The following PTPRJ variants were observed in gnomAD, a reference collection of about 807,000 sequenced individuals.
PTPRJ encodes protein tyrosine phosphatase receptor type J.
In PTPRJ, 129 loss-of-function variants were observed where a neutral mutation model predicts 141.3. The observed-to-expected ratio is 0.91, with a 90% confidence interval of 0.79 to 1.06. The LOEUF is 1.06. PTPRJ is among the 50% of genes least tolerant of loss of function. PTPRJ has a pLI of 0.00. For missense variants in PTPRJ, 1,601 were observed against 1,679.7 expected (o/e 0.95, Z 0.82); for synonymous variants, 610 against 640.5 (o/e 0.95, Z 0.72).
rs1463797059 is a variant in PTPRJ, at chr11:47,980,685, C to G, written c.-228C>G. 2 of 989,382 alleles carry G rather than the reference C, an allele frequency of 2.0e-6. No individual in the cohort carries two copies. Among genetic ancestry groups the G allele is most frequent in the African/African-American group, 3.5e-5 (2 of 56,938 alleles). 61.3% of individuals were successfully genotyped at this position (989,382 alleles called of 1,614,324 possible). On this transcript the variant is annotated 5_prime_UTR_variant, in exon 1 of 25. Transcript: ENST00000418331. ...CGAAGCCCCTGCGCGCTCAGGGACG[C>G]GGCCCCCCCGCGGCAGCCGCGCTAG...
intron 1 of PTPRJ, among the ~76,000 whole-genome samples, chr11:47,994,351 T>C (rs937733268): frequency 6.6e-6 from 1 of 152,120 alleles, no homozygotes; most frequent in Non-Finnish European, 1.5e-5. Flanking sequence ...CTTACATCTT[T>C]TAATTTTTAA....
chr11:48,057,720 T>G (rs1854798452), intron 1 of PTPRJ, among the ~76,000 whole-genome samples: 1 of 152,060 alleles, frequency 6.6e-6, no homozygotes, highest in Admixed American at 6.6e-5. Flanking sequence ...ACTTTCCTTT[T>G]GGAAGCCAGA....
intron 1 of PTPRJ, among the ~76,000 whole-genome samples, chr11:48,080,078 G>C (rs1318503274): frequency 1.3e-5 from 2 of 152,148 alleles, no homozygotes; most frequent in African/African-American, 4.8e-5. Context: ...GGGGACAAAA[G>C]CCTCTTCTCA....
At chr11:48,166,170 AT>A (rs1857912414) in intron 24 of PTPRJ, among the ~76,000 whole-genome samples, 1 of 147,294 alleles carries the variant, frequency 6.8e-6, no homozygotes, top group South Asian at 2.2e-4. Flanking sequence ...GCCTCAATAT[AT>A]TTTTCTCTTA....
At chr11:48,038,253 A>G (rs1351501942) in intron 1 of PTPRJ, among the ~76,000 whole-genome samples, 2 of 152,146 alleles carry the variant, frequency 1.3e-5, no homozygotes, top group Non-Finnish European at 2.9e-5. Flanking sequence ...ACAAGTGTTC[A>G]TGGCGTAACT....
intron 4 of PTPRJ, among the ~76,000 whole-genome samples, 163 bp from the exon 5 acceptor site, chr11:48,123,450 G>C (rs540533608): frequency 2.0e-5 from 3 of 152,304 alleles, no homozygotes; most frequent in African/African-American, 7.2e-5. Context: ...GGCTCTGATA[G>C]AAAGGAAGTA....
chr11:48,038,570 C>T (rs1444117168), intron 1 of PTPRJ, among the ~76,000 whole-genome samples: 1 of 151,958 alleles, frequency 6.6e-6, no homozygotes, highest in Non-Finnish European at 1.5e-5. Context: ...CAGCTCACTG[C>T]AACCTCCGCC....
chr11:48,149,713 C>T (rs1590560031), intron 16 of PTPRJ: 8 of 530,136 alleles, frequency 1.5e-5, no homozygotes, highest in East Asian at 9.8e-5. Flanking sequence ...CCAATAAATA[C>T]GGATTTCTTG....
intron 23 of PTPRJ, 77 bp from the exon 24 acceptor site, chr11:48,164,303 A>G: frequency 6.5e-7 from 1 of 1,545,346 alleles, no homozygotes; most frequent in Non-Finnish European, 8.8e-7. Context: ...AGCAAGATAT[A>G]TGTACAAATG....
Position 48,169,018 on chromosome 11 carries a change from AG to A in PTPRJ, c.*1657del, listed in dbSNP as rs1694279809. 1 of 152,038 alleles carries A rather than the reference AG, an allele frequency of 6.6e-6. No individual in the cohort carries two copies. Among genetic ancestry groups the A allele is most frequent in the African/African-American group, 2.4e-5 (1 of 41,400 alleles). The allele number at this position is 152,038 out of a possible 1,614,324, so 9.4% of individuals were successfully genotyped here. A position where few individuals can be genotyped will look rare whatever the true frequency, so the allele number is the denominator to read the frequency against. On this transcript the variant is annotated 3_prime_UTR_variant, in exon 25 of 25. Transcript: ENST00000418331. ...ACAGGTGTGTCCTGTTGAGAATGTG[AG>A]CGGGCTCTTCCAGCCTCCTGGTCCC...
rs181527053 is a variant in PTPRJ, at chr11:48,007,360, C to T, written c.96+26352C>T. ...TCCTGACGTCGTGATCCGCCCACCT[C>T]GGCCTCCCAAAGTGCTGGGATTACA... On this transcript the variant is annotated intron_variant, in intron 1 of 24. Coordinates refer to ENST00000418331, the MANE Select transcript of PTPRJ (RefSeq NM_002843.4). 5.2e-4 allele frequency among the ~76,000 whole-genome samples: 79 copies of T among 151,984 alleles called. No individual in the cohort carries two copies. The Middle Eastern group carries it at 0.017, about 33-fold the overall frequency.
At chr11:48,069,773 A>G (rs1855193260) in intron 1 of PTPRJ, among the ~76,000 whole-genome samples, 1 of 152,162 alleles carries the variant, frequency 6.6e-6, no homozygotes, top group Non-Finnish European at 1.5e-5. Context: ...TGTTTATGGA[A>G]AGCCAGTTAT....
chr11:48,129,378 G>T (rs1182454533), intron 7 of PTPRJ, among the ~76,000 whole-genome samples: 1 of 152,168 alleles, frequency 6.6e-6, no homozygotes, highest in Non-Finnish European at 1.5e-5. Flanking sequence ...CCCTCACATG[G>T]TTGTCCTTAG....
At position 48,136,268 on chromosome 11, in the gene PTPRJ, G is replaced by C. The variant is rs749215508; in HGVS notation, c.1845G>C (p.Gly615=). Residue 615 remains glycine, a synonymous_variant, in exon 9 of 25, where the codon GGG becomes GGC. Coordinates refer to ENST00000418331, the MANE Select transcript of PTPRJ (RefSeq NM_002843.4). ...TISPEVDHVW[G]DPNSTAQYTR... ...CTCCAGAAGTGGACCACGTCTGGGG[G>C]GACCCCAACTCCACTGCACAGTACA... 1.5e-5 allele frequency: 24 copies of C among 1,614,020 alleles called. No individual in the cohort carries two copies. The African/African-American group carries it at 2.8e-4, about 19-fold the overall frequency.
chr11:47,983,739 G>A (rs1444704098), intron 1 of PTPRJ, among the ~76,000 whole-genome samples: 2 of 152,054 alleles, frequency 1.3e-5, no homozygotes, highest in African/African-American at 2.4e-5. Context: ...CTGCCTCCTT[G>A]AGAAATTTAA....
Position 48,066,879 on chromosome 11 carries a change from C to T in PTPRJ, c.97-43179C>T, listed in dbSNP as rs149258181. The stretch of plus-strand genomic sequence containing the variant: ...GGGATTACAGGCGTGAGCCACCGCC[C>T]CCAGCCTTCCAGTCGTATTCTTGAC... On this transcript the variant is annotated intron_variant, in intron 1 of 24. Transcript: ENST00000418331. 5.1e-3 allele frequency among the ~76,000 whole-genome samples: 769 copies of T among 152,274 alleles called. 2 individuals carry two copies. The highest frequency in any genetic ancestry group is 7.4e-3 in the Non-Finnish European group (502 of 68,010).
intron 1 of PTPRJ, among the ~76,000 whole-genome samples, chr11:48,087,670 A>G (rs1267947278): frequency 1.3e-5 from 2 of 152,232 alleles, no homozygotes; most frequent in Non-Finnish European, 2.9e-5. Context: ...GACGATGGTC[A>G]TGAGCACTGG....
intron 1 of PTPRJ, among the ~76,000 whole-genome samples, chr11:48,019,065 C>T (rs1040113411): frequency 1.3e-5 from 2 of 151,962 alleles, no homozygotes; most frequent in Non-Finnish European, 2.9e-5. Context: ...CTCAGGAGGG[C>T]CTGTGGAAAG....
At chr11:48,032,539 C>T (rs982515263) in intron 1 of PTPRJ, among the ~76,000 whole-genome samples, 4 of 151,928 alleles carry the variant, frequency 2.6e-5, no homozygotes, top group Non-Finnish European at 2.9e-5. Flanking sequence ...GTGGGTGGAT[C>T]GCCTGAGGTC....
Sources: allele counts gnomAD v4.1 joint callset (sites outside exome capture counted in the v4.1 genomes callset), GRCh38; gene constraint gnomAD v4.1.1; transcripts MANE v1.5; gene names NCBI Gene and HGNC (gene_info 2026-07-23, HGNC 2026-07-21).